DACH1: variants seen among roughly 807,000 people sequenced by gnomAD.
DACH1 encodes dachshund family transcription factor 1.
Under a neutral mutation model 54.2 loss-of-function variants are expected in DACH1, and 12 were observed. That is an observed-to-expected ratio of 0.22 (90% CI 0.14 to 0.36). DACH1 has a LOEUF of 0.36. Among genes scored for constraint, DACH1 ranks in the 10% least tolerant of loss-of-function variants. The pLI, the probability that DACH1 is intolerant of heterozygous loss-of-function variation, is 1.00. For missense variants in DACH1, 805 were observed against 929.8 expected (o/e 0.87, Z 1.75); for synonymous variants, 386 against 366.2 (o/e 1.05, Z -0.62).
intron 1 of DACH1, among the ~76,000 whole-genome samples, chr13:71,837,214 T>G (rs577034070): frequency 6.6e-6 from 1 of 152,174 alleles, no homozygotes; most frequent in African/African-American, 2.4e-5. Context: ...TTAAGCTAGA[T>G]CTATGCATGG....
intron 6 of DACH1, among the ~76,000 whole-genome samples, chr13:71,501,757 A>T (rs1433663138): frequency 6.6e-6 from 1 of 152,186 alleles, no homozygotes; most frequent in Non-Finnish European, 1.5e-5. Context: ...CATTGCTATG[A>T]TGATGTTCAT....
At chr13:71,681,947 T>C (rs748458707) in intron 1 of DACH1, 37 bp from the exon 2 acceptor site, 1 of 1,328,526 alleles carries the variant, frequency 7.5e-7, no homozygotes, top group East Asian at 2.3e-5. Flanking sequence ...ACAATTAAGC[T>C]ATTGTCTTAC....
At chr13:71,756,650 C>T (rs562169196) in intron 1 of DACH1, among the ~76,000 whole-genome samples, 25 of 151,992 alleles carry the variant, frequency 1.6e-4, no homozygotes, top group Non-Finnish European at 3.1e-4. Context: ...ACTGGATGAA[C>T]TCACAGTCTA....
intron 3 of DACH1, among the ~76,000 whole-genome samples, chr13:71,607,495 T>C (rs1046000086): frequency 2.0e-5 from 3 of 152,054 alleles, no homozygotes; most frequent in Non-Finnish European, 2.9e-5. Flanking sequence ...TTAAAAATAC[T>C]GTGTTAAATG....
chr13:71,719,646 T>C (rs998119948), intron 1 of DACH1, among the ~76,000 whole-genome samples: 3 of 152,128 alleles, frequency 2.0e-5, no homozygotes, highest in African/African-American at 7.2e-5. Context: ...GGGAGGATTG[T>C]CTGAGCCAAG....
chr13:71,452,019 A>T (rs930191026), intron 10 of DACH1, among the ~76,000 whole-genome samples: 7 of 152,250 alleles, frequency 4.6e-5, no homozygotes, highest in African/African-American at 1.4e-4. Context: ...GCTAAAACAC[A>T]TGGAGGCAAA....
intron 1 of DACH1, among the ~76,000 whole-genome samples, chr13:71,771,557 C>T (rs933880005): frequency 6.6e-6 from 1 of 151,334 alleles, no homozygotes; most frequent in South Asian, 2.1e-4. Flanking sequence ...GGGCAAGTAT[C>T]CCATTCTAGA....
intron 1 of DACH1, among the ~76,000 whole-genome samples, chr13:71,712,619 G>T (rs193264619): frequency 6.6e-6 from 1 of 151,974 alleles, no homozygotes; most frequent in Non-Finnish European, 1.5e-5. Flanking sequence ...AAACTTAGAG[G>T]TTGTTCCATG....
chr13:71,687,120 G>C (rs17088398), intron 1 of DACH1, among the ~76,000 whole-genome samples: 14,720 of 152,114 alleles, frequency 0.097, 1,630 homozygotes, highest in East Asian at 0.26. Flanking sequence ...ATCTATTTAC[G>C]CAAGGAAAGT....
At chr13:71,694,950 T>A (rs374995826) in intron 1 of DACH1, among the ~76,000 whole-genome samples, 20 of 152,264 alleles carry the variant, frequency 1.3e-4, no homozygotes, top group African/African-American at 4.8e-4. Flanking sequence ...TTTATAAGTG[T>A]GGAAACTGAG....
Position 71,479,239 on chromosome 13 carries a change from C to A in DACH1, c.1800G>T (p.Met600Ile), listed in dbSNP as rs1877828086. 6.2e-7 allele frequency: 1 copy of A among 1,613,632 alleles called. No individual in the cohort carries two copies. Among genetic ancestry groups the A allele is most frequent in the African/African-American group, 1.3e-5 (1 of 74,910 alleles). ...QVQLEKTELK[M>I]DFLRERELRE... ...TTAGTTCTCTTTCCCTTAAAAAATCCATCTTCAGCTCAGTTTTTTCCAGTT... is the reference window on the plus strand; with the variant it reads ...TTAGTTCTCTTTCCCTTAAAAAATCAATCTTCAGCTCAGTTTTTTCCAGTT... The change falls in exon 8 of 11, where the codon ATG (methionine) becomes ATT (isoleucine). Residue 600 changes from methionine to isoleucine, a missense_variant. Around this residue, in one of 3 missense-constraint regions of DACH1, gnomAD observed 472 missense variants for 545.3 expected, o/e 0.87. Coordinates refer to ENST00000613252, the MANE Select transcript of DACH1 (RefSeq NM_080759.6).
chr13:71,504,135 T>C (rs928168665), intron 6 of DACH1, among the ~76,000 whole-genome samples: 2 of 152,158 alleles, frequency 1.3e-5, no homozygotes, highest in East Asian at 3.9e-4. Flanking sequence ...GAGATGACGT[T>C]GTTAGATTTA....
chr13:71,544,706 G>C (rs1883347154), intron 6 of DACH1, among the ~76,000 whole-genome samples: 1 of 152,004 alleles, frequency 6.6e-6, no homozygotes, highest in Non-Finnish European at 1.5e-5. Context: ...CAGTATGATA[G>C]TCTTTGTGAC....
At chr13:71,513,091 G>T (rs1880904133) in intron 6 of DACH1, among the ~76,000 whole-genome samples, 1 of 151,818 alleles carries the variant, frequency 6.6e-6, no homozygotes. Context: ...ACCAAATACA[G>T]GTACTACAAG....
intron 1 of DACH1, among the ~76,000 whole-genome samples, chr13:71,757,439 A>G (rs1885213917): frequency 6.6e-6 from 1 of 151,288 alleles, no homozygotes; most frequent in Non-Finnish European, 1.5e-5. Context: ...TGTAGGGACC[A>G]TTTTTCCTAA....
rs756352766 is a variant in DACH1 at position 71,571,730 on chromosome 13, CTTTT to C, written c.1299+1106_1299+1109del. 4.7e-3 allele frequency among the ~76,000 whole-genome samples: 635 copies of C among 134,950 alleles called. 5 individuals are homozygous for C. The highest frequency in any genetic ancestry group is 0.017 in the African/African-American group (611 of 36,718). The allele number at this position is 134,950 out of a possible 152,430, so 88.5% of individuals were successfully genotyped here. Reference sequence around the variant, plus strand: ...CATTGTATGTAAGTAGTAACAGGGCCTTTTTTTTTTTTTTTTTTTCTTTGAGACG... The same window carrying C: ...CATTGTATGTAAGTAGTAACAGGGCCTTTTTTTTTTTTTTTCTTTGAGACG... On this transcript the variant is annotated intron_variant, in intron 4 of 10. Coordinates refer to ENST00000613252, the MANE Select transcript of DACH1 (RefSeq NM_080759.6).
chr13:71,591,996 C>A (rs1222755398), intron 3 of DACH1, among the ~76,000 whole-genome samples: 1 of 152,100 alleles, frequency 6.6e-6, no homozygotes. Context: ...CAGGGAATAA[C>A]TACTTATTAT....
intron 1 of DACH1, among the ~76,000 whole-genome samples, chr13:71,825,037 G>A (rs546223737): frequency 6.6e-6 from 1 of 152,170 alleles, no homozygotes; most frequent in South Asian, 2.1e-4. Flanking sequence ...ATCACTGATT[G>A]ACTTGGAAGG....
intron 6 of DACH1, among the ~76,000 whole-genome samples, chr13:71,526,302 T>G (rs1264904687): frequency 6.6e-6 from 1 of 152,076 alleles, no homozygotes; most frequent in Non-Finnish European, 1.5e-5. Context: ...TGGATAAAAA[T>G]TCAGGGTATG....
Sources: allele counts gnomAD v4.1 joint callset (sites outside exome capture counted in the v4.1 genomes callset), GRCh38; gene constraint gnomAD v4.1.1; regional missense constraint gnomAD v4.1.1; transcripts MANE v1.5; gene names NCBI Gene and HGNC (gene_info 2026-07-23, HGNC 2026-07-21).